Variants in ABCA5 observed in about 807,000 individuals in gnomAD.
ABCA5 encodes cholesterol transporter ABCA5.
ABCA5 carries 163 observed loss-of-function variants against 206.0 expected under a neutral mutation model. The ratio of observed to expected loss-of-function variants is 0.79; its 90% CI spans 0.70 to 0.90. The LOEUF is 0.90. ABCA5 is among the 40% of genes least tolerant of loss of function. ABCA5 has a pLI of 0.00. For missense variants in ABCA5, 1,859 were observed against 1,912.9 expected (o/e 0.97, Z 0.53); for synonymous variants, 609 against 613.8 (o/e 0.99, Z 0.11).
intron 5 of ABCA5, among the ~76,000 whole-genome samples, chr17:69,307,908 T>C (rs1297550671): frequency 1.3e-5 from 2 of 152,064 alleles, no homozygotes; most frequent in Non-Finnish European, 2.9e-5. Context: ...TTTTGTAGCA[T>C]AGTAAATTCA....
intron 27 of ABCA5, 104 bp downstream of exon 27, chr17:69,260,234 C>G (rs2075131830): frequency 1.2e-6 from 1 of 835,722 alleles, no homozygotes; most frequent in Non-Finnish European, 1.8e-6. Flanking sequence ...TTTTATGCAC[C>G]TTCTTTTTCA....
chr17:69,301,031 G>T, intron 9 of ABCA5, 108 bp downstream of exon 9: 2 of 975,508 alleles, frequency 2.1e-6, no homozygotes, highest in Non-Finnish European at 2.9e-6. Context: ...CAATGAATAT[G>T]ACTTAGGGTA....
chr17:69,282,224 T>A (rs1362459992), intron 18 of ABCA5, among the ~76,000 whole-genome samples: 1 of 152,158 alleles, frequency 6.6e-6, no homozygotes, highest in East Asian at 1.9e-4. Context: ...ACACCATTTT[T>A]CTAGGTTTTT....
chr17:69,269,398 G>A (rs575291241), intron 22 of ABCA5, among the ~76,000 whole-genome samples: 18 of 152,226 alleles, frequency 1.2e-4, no homozygotes, highest in Non-Finnish European at 2.1e-4. Flanking sequence ...TTTTCTGTAC[G>A]TTTGAAATAT....
chr17:69,277,315 T>C (rs1325068497), intron 19 of ABCA5, among the ~76,000 whole-genome samples: 1 of 152,150 alleles, frequency 6.6e-6, no homozygotes, highest in Non-Finnish European at 1.5e-5. Context: ...TGTATTAATA[T>C]ATTCAAGGAA....
chr17:69,317,569 T>C (rs1019493847), intron 1 of ABCA5: 1 of 152,116 alleles, frequency 6.6e-6, no homozygotes, highest in African/African-American at 2.4e-5. Flanking sequence ...GAATGCCAAC[T>C]GGTGATTGTC....
chr17:69,317,945 G>C (rs1029603531), intron 1 of ABCA5: 1 of 152,144 alleles, frequency 6.6e-6, no homozygotes, highest in African/African-American at 2.4e-5. Context: ...GATAGCAGGG[G>C]AAATAACAAC....
At chr17:69,324,813 G>A (rs2075886881) in intron 1 of ABCA5, among the ~76,000 whole-genome samples, 1 of 152,052 alleles carries the variant, frequency 6.6e-6, no homozygotes, top group Non-Finnish European at 1.5e-5. Context: ...ATGCAATCTG[G>A]TATTAGCTAC....
rs749139035 is a variant in ABCA5, at chr17:69,270,771, CTT to C, written c.2893-23_2893-22del. ...TAGTCCTACAATTAAAAAAAAGACA[CTT>C]ATTACATACTGTATATAAGCGGATA... On this transcript the variant is annotated intron_variant, in intron 21 of 38. Coordinates refer to ENST00000392676, the MANE Select transcript of ABCA5 (RefSeq NM_172232.4). 3.1e-5 allele frequency: 47 copies of C among 1,518,598 alleles called. No individual in the cohort carries two copies. The East Asian group carries it at 4.3e-4, about 14-fold the overall frequency. The allele number at this position is 1,518,598 out of a possible 1,614,324, so 94.1% of individuals were successfully genotyped here.
intron 10 of ABCA5, among the ~76,000 whole-genome samples, chr17:69,296,033 T>A (rs998008218): frequency 1.3e-5 from 2 of 152,208 alleles, no homozygotes; most frequent in African/African-American, 4.8e-5. Context: ...CTTCTAAAAC[T>A]AAGTGAAGAA....
At chr17:69,259,438 T>C (rs774034135) in intron 28 of ABCA5, among the ~76,000 whole-genome samples, 8 of 151,998 alleles carry the variant, frequency 5.3e-5, no homozygotes, top group Non-Finnish European at 8.8e-5. Context: ...AGAGAATTGT[T>C]GGTCTTTTGA....
At chr17:69,303,839 T>TACAC (rs1310097704) in intron 7 of ABCA5, among the ~76,000 whole-genome samples, 1 of 19,048 alleles carries the variant, frequency 5.2e-5, no homozygotes, top group Non-Finnish European at 9.8e-5. Context: ...TATATATATA[T>TACAC]ACATACATAT....
At chr17:69,276,930 T>C (rs2075338733) in intron 19 of ABCA5, among the ~76,000 whole-genome samples, 1 of 152,224 alleles carries the variant, frequency 6.6e-6, no homozygotes, top group Non-Finnish European at 1.5e-5. Context: ...GAAGAGCATA[T>C]AAATTTAGCA....
chr17:69,299,304 C>T (rs1412072561), intron 9 of ABCA5, among the ~76,000 whole-genome samples: 2 of 152,092 alleles, frequency 1.3e-5, no homozygotes, highest in Admixed American at 1.3e-4. Context: ...CCAGCAATCC[C>T]ACTCCTGGGC....
intron 13 of ABCA5, 122 bp downstream of exon 13, chr17:69,289,740 G>A (rs192669962): frequency 5.6e-5 from 43 of 762,426 alleles, no homozygotes; most frequent in Non-Finnish European, 7.8e-5. Context: ...ATAGCTTTCT[G>A]TTTGCTGGCT....
At chr17:69,307,165 G>A (rs2075726856) in intron 5 of ABCA5, among the ~76,000 whole-genome samples, 1 of 151,808 alleles carries the variant, frequency 6.6e-6, no homozygotes, top group Non-Finnish European at 1.5e-5. Flanking sequence ...ATACCATAAA[G>A]TTTAAAGTTT....
At chr17:69,261,969 C>T (rs1007828660) in intron 24 of ABCA5, among the ~76,000 whole-genome samples, 4 of 151,910 alleles carry the variant, frequency 2.6e-5, no homozygotes, top group African/African-American at 9.7e-5. Context: ...CAAATATTAG[C>T]TACTATTTTA....
intron 29 of ABCA5, 60 bp downstream of exon 29, chr17:69,256,097 T>C: frequency 6.7e-7 from 1 of 1,488,048 alleles, no homozygotes; most frequent in South Asian, 1.4e-5. Flanking sequence ...GATTAATTTC[T>C]ATATACCGGG....
intron 34 of ABCA5, 30 bp from the exon 35 acceptor site, chr17:69,251,896 G>A: frequency 6.2e-7 from 1 of 1,600,894 alleles, no homozygotes; most frequent in Non-Finnish European, 8.5e-7. Flanking sequence ...CAAAAAGAGA[G>A]GAACACATCT....
Sources: allele counts gnomAD v4.1 joint callset (sites outside exome capture counted in the v4.1 genomes callset), GRCh38; gene constraint gnomAD v4.1.1; transcripts MANE v1.5; gene names NCBI Gene and HGNC (gene_info 2026-07-23, HGNC 2026-07-21).